PLA2G4F: variants seen among roughly 807,000 people sequenced by gnomAD.
PLA2G4F encodes cytosolic phospholipase A2 zeta.
PLA2G4F carries 105 observed loss-of-function variants against 103.1 expected under a neutral mutation model. The observed-to-expected ratio is 1.02, with a 90% confidence interval of 0.87 to 1.20. The LOEUF (loss-of-function observed/expected upper bound fraction) is 1.20. Among genes scored for constraint, PLA2G4F ranks in the 50% most tolerant of loss-of-function variants. The pLI, the probability that PLA2G4F is intolerant of heterozygous loss-of-function variation, is 0.00. For missense variants in PLA2G4F, 1,155 were observed against 1,075.9 expected, an observed-to-expected ratio of 1.07 and a Z score of -1.03; for synonymous variants, 468 against 441.1, an observed-to-expected ratio of 1.06 and a Z score of -0.76.
rs373798047 is a variant in PLA2G4F, at chr15:42,142,584, G to C, written c.2273C>G (p.Pro758Arg). 13 of 1,613,960 alleles carry C rather than the reference G, an allele frequency of 8.1e-6. No homozygotes were observed. Among genetic ancestry groups the C allele is most frequent in the African/African-American group, 4.0e-5 (3 of 74,912 alleles). Residue 758 changes from proline to arginine, a missense_variant, in exon 19 of 20, where the codon CCC (proline) becomes CGC (arginine). Physicochemically the swap from Pro to Arg is moderately radical, Grantham distance 103. Transcript: ENST00000397272. ...LFAKAEDPRS[P>R]IVLHFPLVNR... ...AACCAGGGGGAAGTGCAGCACAATG[G>C]GGGAGCGGGGGTCCTCAGCCTTGGC...
chr15:42,145,503 ATTC>A (rs2048871867), intron 16 of PLA2G4F, 69 bp downstream of exon 16: 1 of 1,454,518 alleles, frequency 6.9e-7, no homozygotes, highest in Non-Finnish European at 9.6e-7. Flanking sequence ...CCCCTCCCTC[ATTC>A]TTCTTGTCTC....
chr15:42,140,103 G>T lies in PLA2G4F; in HGVS notation c.*1881C>A, dbSNP rs2048815867. ...TCAGCTCTTCAAAAAGTCCACATGG[G>T]TTAGGAATCATGAAAGCATTGCATG... is the stretch of plus-strand genomic sequence containing the variant. On this transcript the variant is annotated 3_prime_UTR_variant, in exon 20 of 20. Transcript: ENST00000397272. 6.6e-6 allele frequency: 1 copy of T among 152,328 alleles called. No homozygotes were observed. Among genetic ancestry groups the T allele is most frequent in the Admixed American group, 6.5e-5 (1 of 15,308 alleles). 9.4% of individuals were successfully genotyped at this position (152,328 alleles called of 1,614,324 possible).
rs753997694 is a variant in PLA2G4F, at chr15:42,144,026, T to C, written c.2094A>G (p.Ala698=). The change falls in exon 18 of 20, where the codon GCA becomes GCG. Residue 698 remains alanine (A), a synonymous_variant. Transcript: ENST00000397272. ...AGTCAAAGGACAGAATGAGGTCCAC[T>C]GCTCTCTGAGGCAGCAGAGCCAGTG... is the stretch of plus-strand genomic sequence containing the variant. The part of the protein sequence containing the change: ...PFPLALLPQR[A]VDLILSFDYS... 1.9e-6 allele frequency: 3 copies of C among 1,613,904 alleles called. No homozygotes were observed. The highest frequency in any genetic ancestry group is 1.1e-5 in the South Asian group (1 of 91,028).
At chr15:42,154,858 G>A (rs1375035027) in intron 2 of PLA2G4F, among the ~76,000 whole-genome samples, 1 of 151,990 alleles carries the variant, frequency 6.6e-6, no homozygotes, top group African/African-American at 2.4e-5. Flanking sequence ...CAGGGAGGAG[G>A]CCGAGTCTGC....
At chr15:42,156,068 G>A (rs1267226709) in intron 1 of PLA2G4F, among the ~76,000 whole-genome samples, 3 of 152,070 alleles carry the variant, frequency 2.0e-5, no homozygotes, top group African/African-American at 7.2e-5. Flanking sequence ...GGCCGGTACC[G>A]GTCTGACGAG....
rs1339272825 is a variant in PLA2G4F at position 42,154,412 on chromosome 15, G to T, written c.231C>A (p.Ser77=). Residue 77 remains serine (S), a synonymous_variant, in exon 3 of 20, where the codon TCC becomes TCA. Coordinates refer to ENST00000397272, the MANE Select transcript of PLA2G4F (RefSeq NM_213600.4). ...CTATCCTAGTCTGGGCAGGGCTTGG[G>T]GACGCCGTGGGCAGCCACAGTTGCA... ...CYVQLWLPTA[S]PSPAQTRIVA... The T allele has an allele frequency of 6.2e-7, 1 of 1,609,764 alleles. No homozygotes were observed. Among genetic ancestry groups the T allele is most frequent in the Non-Finnish European group, 8.5e-7 (1 of 1,177,054 alleles).
chr15:42,145,839 C>T lies in PLA2G4F; in HGVS notation c.1599G>A (p.Glu533=). Residue 533 remains glutamate, a synonymous_variant, in exon 15 of 20, where the codon GAG becomes GAA. Transcript: ENST00000397272. ...FPKYGAYVPT[E]LFGSELFMGR... ...CCATGAAGAGTTCTGAGCCGAAGAGCTCGGTGGGAACATAAGCCCCGTACT... is the reference window on the plus strand; with the variant it reads ...CCATGAAGAGTTCTGAGCCGAAGAGTTCGGTGGGAACATAAGCCCCGTACT... The T allele has an allele frequency of 6.2e-7, 1 of 1,614,126 alleles. No homozygotes were observed. The highest frequency in any genetic ancestry group is 2.2e-5 in the East Asian group (1 of 44,876).
At position 42,147,679 on chromosome 15, in the gene PLA2G4F, C is replaced by T. The variant is rs2048908032; in HGVS notation, c.1143G>A (p.Glu381=). The change falls in exon 12 of 20, where the codon GAG becomes GAA. Residue 381 remains glutamate, a synonymous_variant. Transcript: ENST00000397272. The part of the protein sequence containing the change: ...SLYGSLAGLQ[E]LGLLDTVTYL... ...AGGTCACAGTGTCTAGAAGGCCGAG[C>T]TCCTGCAACCCTGCCAGGCTGCCGT... 6.2e-7 allele frequency: 1 copy of T among 1,614,042 alleles called. No homozygotes were observed. Among genetic ancestry groups the T allele is most frequent in the Non-Finnish European group, 8.5e-7 (1 of 1,180,034 alleles).
Position 42,144,562 on chromosome 15 carries a change from AGCCTGGGAGAAGGGC to A in PLA2G4F, c.1848_1862del (p.Pro617_Ala621del), listed in dbSNP as rs1566877957. 4.3e-6 allele frequency: 7 copies of A among 1,613,118 alleles called. No homozygotes were observed. Among genetic ancestry groups the A allele is most frequent in the Non-Finnish European group, 5.9e-6 (7 of 1,179,974 alleles). On this transcript the variant is annotated inframe_deletion, in exon 17 of 20. Transcript: ENST00000397272. ...AGCGGGAGGTGAATATGTCCAGCAC[AGCCTGGGAGAAGGGC>A]CCCTGTGGGGTGAGGAGCCTCGTTC...
At chr15:42,142,311 G>C (rs750714953) in intron 19 of PLA2G4F, 107 bp from the exon 20 acceptor site, 4 of 1,199,656 alleles carry the variant, frequency 3.3e-6, no homozygotes, top group Admixed American at 5.4e-5. Context: ...GGCTCCCTGC[G>C]GGCCCTGCTT....
chr15:42,141,009 G>C lies in PLA2G4F; in HGVS notation c.*975C>G, dbSNP rs1455480901. On this transcript the variant is annotated 3_prime_UTR_variant, in exon 20 of 20. Coordinates refer to ENST00000397272, the MANE Select transcript of PLA2G4F (RefSeq NM_213600.4). The stretch of plus-strand genomic sequence containing the variant: ...GGTCAGGGGAAATGGAGAAGAGGGA[G>C]AGTGAGAAACAAAACTTGCCAAGAC... 1 of 342,810 alleles carries C rather than the reference G, an allele frequency of 2.9e-6. No homozygotes were observed. The highest frequency in any genetic ancestry group is 5.8e-6 in the Non-Finnish European group (1 of 173,066). 21.2% of individuals were successfully genotyped at this position (342,810 alleles called of 1,614,324 possible). A position where few individuals can be genotyped will look rare whatever the true frequency, so the allele number is the denominator to read the frequency against.
rs755137605 is a variant in PLA2G4F, at chr15:42,153,342, G to T, written c.492C>A (p.Ser164Arg). 6.2e-7 allele frequency: 1 copy of T among 1,613,778 alleles called. No homozygotes were observed. The highest frequency in any genetic ancestry group is 2.2e-5 in the East Asian group (1 of 44,878). The part of the protein sequence containing the change: ...ELQVEFVLEK[S>R]QVPASEVITN... ...TGATGACTTCAGATGCAGGCACCTGGCTGCAAAGGATGAGGAATACATGGA... is the reference window on the plus strand; with the variant it reads ...TGATGACTTCAGATGCAGGCACCTGTCTGCAAAGGATGAGGAATACATGGA... Residue 164 changes from serine (S) to arginine (R), a missense_variant and splice_region_variant, in exon 6 of 20, where the codon AGC (serine) becomes AGA (arginine). Ser to Arg is a moderately radical substitution (Grantham distance 110). Around this residue, in one of 3 missense-constraint regions of PLA2G4F, gnomAD observed 370 missense variants for 364.9 expected, o/e 1.01. Coordinates refer to ENST00000397272, the MANE Select transcript of PLA2G4F (RefSeq NM_213600.4).
In PLA2G4F at chr15:42,153,674, G is replaced by T. The variant is rs751297566; in HGVS notation, c.451-14C>A. On this transcript the variant is annotated splice_polypyrimidine_tract_variant and intron_variant, in intron 4 of 19. Coordinates refer to ENST00000397272, the MANE Select transcript of PLA2G4F (RefSeq NM_213600.4). ...CTCTTGTGAATCCTACATGGAGGGG[G>T]AGGGAGCACCAATTTTTTCAAGGCT... is the stretch of plus-strand genomic sequence containing the variant. The T allele has an allele frequency of 1.2e-6, 2 of 1,613,938 alleles. No homozygotes were observed.
At chr15:42,144,732 AAC>A in intron 16 of PLA2G4F, 88 bp from the exon 17 acceptor site, 1 of 1,305,040 alleles carries the variant, frequency 7.7e-7, no homozygotes, top group East Asian at 2.7e-5. Flanking sequence ...GCCCCTCCCC[AAC>A]AGTGAGCCCT....
rs1483823372 is a variant in PLA2G4F at position 42,140,344 on chromosome 15, G to A, written c.*1640C>T. ...AGAAACACCACAGATTCTAAGTTGT[G>A]AACGCTGTGCAGTTCTGAGCTGTGA... On this transcript the variant is annotated 3_prime_UTR_variant, in exon 20 of 20. Transcript: ENST00000397272. 1 of 152,256 alleles carries A rather than the reference G, an allele frequency of 6.6e-6. No homozygotes were observed. Among genetic ancestry groups the A allele is most frequent in the Admixed American group, 6.5e-5 (1 of 15,286 alleles). The allele number at this position is 152,256 out of a possible 1,614,324, so 9.4% of individuals were successfully genotyped here.
rs533703193 is a variant in PLA2G4F at position 42,144,135 on chromosome 15, G to A, written c.1985C>T (p.Pro662Leu). 3.0e-5 allele frequency: 49 copies of A among 1,608,950 alleles called. No homozygotes were observed. Among genetic ancestry groups the A allele is most frequent in the Middle Eastern group, 3.4e-4 (2 of 5,934 alleles). Residue 662 changes from proline (P) to leucine (L), a missense_variant, in exon 18 of 20, where the codon CCG becomes CTG. Coordinates refer to ENST00000397272, the MANE Select transcript of PLA2G4F (RefSeq NM_213600.4). ...GGTGAGCTGGTTGGGGAAGGCGTCC[G>A]GGTGTGTGTCTGCAAGGAACCCATG... ...REFVAWKDTHPDAFPNQLTPM... is the reference protein window; with the variant it reads ...REFVAWKDTHLDAFPNQLTPM...
chr15:42,154,952 C>A (rs2048998521), intron 2 of PLA2G4F, among the ~76,000 whole-genome samples: 2 of 151,818 alleles, frequency 1.3e-5, no homozygotes, highest in Admixed American at 1.3e-4. Context: ...CACACACACA[C>A]TCTTGCACTC....
intron 6 of PLA2G4F, 90 bp from the exon 7 acceptor site, chr15:42,152,844 A>G (rs2048974332): frequency 7.9e-7 from 1 of 1,267,586 alleles, no homozygotes; most frequent in Admixed American, 2.2e-5. Context: ...AGGGTCTGGG[A>G]AACAGCCATG....
intron 10 of PLA2G4F, 47 bp downstream of exon 10, chr15:42,150,057 A>C: frequency 6.2e-7 from 1 of 1,612,692 alleles, no homozygotes; most frequent in South Asian, 1.1e-5. Flanking sequence ...ATGTCCCCGC[A>C]CTTCTAGCCC....
Sources: allele counts gnomAD v4.1 joint callset (sites outside exome capture counted in the v4.1 genomes callset), GRCh38; gene constraint gnomAD v4.1.1; regional missense constraint gnomAD v4.1.1; transcripts MANE v1.5; gene names NCBI Gene and HGNC (gene_info 2026-07-23, HGNC 2026-07-21).